The following BCAR3 variants were observed in gnomAD, a reference collection of about 807,000 sequenced individuals.
The protein encoded by BCAR3 is BCAR3 adaptor protein, NSP family member.
Under a neutral mutation model 80.1 loss-of-function variants are expected in BCAR3, and 37 were observed. The ratio of observed to expected loss-of-function variants is 0.46; its 90% confidence interval spans 0.36 to 0.61. The LOEUF (loss-of-function observed/expected upper bound fraction) is 0.61, where lower values mean the gene tolerates loss of function less well. Ranked by LOEUF, BCAR3 falls within the 20% of genes least tolerant of loss-of-function variation. BCAR3 has a pLI of 0.00. For missense variants in BCAR3, 978 were observed against 1,068.2 expected (o/e 0.92, Z 1.18); for synonymous variants, 389 against 418.9 (o/e 0.93, Z 0.87).
Position 93,569,376 on chromosome 1 carries a change from G to C in BCAR3, c.1975-1525C>G, listed in dbSNP as rs1673111533. Among the ~76,000 whole-genome samples, 3 of 152,294 alleles carry C rather than the reference G, an allele frequency of 2.0e-5. No individual in the cohort carries two copies. The South Asian group carries it at 6.2e-4, about 32-fold the overall frequency. On this transcript the variant is annotated intron_variant, in intron 9 of 11. Coordinates refer to ENST00000260502, the MANE Select transcript of BCAR3 (RefSeq NM_003567.4). ...CTGTATCCAAAAGGAAGGTGAGTAG[G>C]CTCAGCACCAGCAGACGTGCTGTGA...
intron 2 of BCAR3, among the ~76,000 whole-genome samples, chr1:93,770,993 A>G (rs1260624051): frequency 6.6e-6 from 1 of 152,168 alleles, no homozygotes; most frequent in Non-Finnish European, 1.5e-5. Context: ...CCACTGTACT[A>G]TACCTTTCAC....
At chr1:93,638,334 CT>C (rs1445627800) in intron 3 of BCAR3, among the ~76,000 whole-genome samples, 1 of 152,162 alleles carries the variant, frequency 6.6e-6, no homozygotes, top group Non-Finnish European at 1.5e-5. Context: ...GGACAGCTAT[CT>C]GGGAAGGGGA....
Position 93,809,773 on chromosome 1 carries a change from GATAAAAAAAA to G in BCAR3, c.-63+35784_-63+35793del, listed in dbSNP as rs1201587365. Among the ~76,000 whole-genome samples the G allele has an allele frequency of 8.0e-3, 375 of 46,996 alleles. 2 individuals are homozygous for G. Among genetic ancestry groups the G allele is most frequent in the African/African-American group, 0.028 (353 of 12,436 alleles). The allele number at this position is 46,996 out of a possible 152,430, so 30.8% of individuals were successfully genotyped here. A position where few individuals can be genotyped will look rare whatever the true frequency, so the allele number is the denominator to read the frequency against. On this transcript the variant is annotated intron_variant, in intron 2 of 13. Coordinates refer to the BCAR3 transcript ENST00000370244. ...ACAGAGCAAGACTTCGTCTCAAAAA[GATAAAAAAAA>G]AAAAAAAAAAAAATCATTGAAGACC... is the stretch of plus-strand genomic sequence containing the variant.
At chr1:93,739,801 G>A (rs1384443072) in intron 2 of BCAR3, among the ~76,000 whole-genome samples, 1 of 152,168 alleles carries the variant, frequency 6.6e-6, no homozygotes, top group African/African-American at 2.4e-5. Flanking sequence ...TTGGGAGCCT[G>A]AGGCGGGTGG....
At chr1:93,751,518 G>T (rs1321762214) in intron 2 of BCAR3, among the ~76,000 whole-genome samples, 1 of 152,144 alleles carries the variant, frequency 6.6e-6, no homozygotes, top group African/African-American at 2.4e-5. Flanking sequence ...CAGCAATCCT[G>T]CCATGCCTCG....
At chr1:93,815,882 G>T (rs955319583) in intron 2 of BCAR3, among the ~76,000 whole-genome samples, 1 of 152,124 alleles carries the variant, frequency 6.6e-6, no homozygotes, top group Non-Finnish European at 1.5e-5. Flanking sequence ...GAATGCTGCC[G>T]TGGTCAGGGC....
chr1:93,569,350 C>T (rs1181111882), intron 9 of BCAR3, among the ~76,000 whole-genome samples: 1 of 152,202 alleles, frequency 6.6e-6, no homozygotes, highest in East Asian at 1.9e-4. Context: ...TTGAAGAGCT[C>T]CTGTATCCAA....
At chr1:93,681,531 G>C (rs972857452) in intron 1 of BCAR3, 67 bp downstream of exon 1, 1 of 152,116 alleles carries the variant, frequency 6.6e-6, no homozygotes, top group South Asian at 2.1e-4. Context: ...TCACCGGGGT[G>C]GGGGAGGCCC....
chr1:93,596,227 G>A (rs1021870748), intron 3 of BCAR3, among the ~76,000 whole-genome samples: 7 of 151,996 alleles, frequency 4.6e-5, no homozygotes, highest in South Asian at 2.1e-4. Context: ...CATAATATTC[G>A]CATGCATTGT....
intron 8 of BCAR3, among the ~76,000 whole-genome samples, chr1:93,575,062 C>T (rs1052205511): frequency 3.3e-5 from 5 of 151,926 alleles, no homozygotes; most frequent in South Asian, 2.1e-4. Context: ...GGCTTTTTAC[C>T]GTGAAAACAG....
At chr1:93,774,319 G>A (rs1268317295) in intron 2 of BCAR3, among the ~76,000 whole-genome samples, 1 of 151,864 alleles carries the variant, frequency 6.6e-6, no homozygotes, top group Non-Finnish European at 1.5e-5. Context: ...CCTTGCCTCT[G>A]CTAAAAATAC....
rs138586718 is a variant in BCAR3, at chr1:93,757,826, G to A, written c.-62-51684C>T. ...TTGCCCATTATTTCTAAGTGCCATGGGTCAGGTTGTCTGGGAAACAGACTT... is the reference window on the plus strand; with the variant it reads ...TTGCCCATTATTTCTAAGTGCCATGAGTCAGGTTGTCTGGGAAACAGACTT... On this transcript the variant is annotated intron_variant, in intron 2 of 13. Transcript: ENST00000370244. Among the ~76,000 whole-genome samples, 456 of 152,276 alleles carry A rather than the reference G, an allele frequency of 3.0e-3. 1 individual carries two copies. The highest frequency in any genetic ancestry group is 0.011 in the African/African-American group (448 of 41,550).
At chr1:93,567,923 A>C in intron 9 of BCAR3, 72 bp from the exon 10 acceptor site, 37 of 1,299,984 alleles carry the variant, frequency 2.8e-5, no homozygotes, top group Non-Finnish European at 3.8e-5. Flanking sequence ...GTGGTAGCTC[A>C]CGCCTGTAAT....
chr1:93,659,985 G>C (rs763447301), intron 2 of BCAR3, among the ~76,000 whole-genome samples: 7 of 152,098 alleles, frequency 4.6e-5, no homozygotes, highest in Admixed American at 2.0e-4. Context: ...TAAGAACAGG[G>C]ACCACACTGT....
At chr1:93,727,047 T>A (rs939443933) in intron 2 of BCAR3, among the ~76,000 whole-genome samples, 2 of 152,190 alleles carry the variant, frequency 1.3e-5, no homozygotes, top group Non-Finnish European at 2.9e-5. Flanking sequence ...TAATTTTAAA[T>A]CTGTTTTCTG....
chr1:93,614,132 C>T, intron 3 of BCAR3: 1 of 1,362,056 alleles, frequency 7.3e-7, no homozygotes, highest in Non-Finnish European at 9.4e-7. Context: ...CAATACGATC[C>T]ACTCGCTCAA....
Position 93,562,261 on chromosome 1 carries a change from CAGG to C in BCAR3, c.2455_2457del (p.Pro819del), listed in dbSNP as rs755217618. The C allele has an allele frequency of 6.2e-7, 1 of 1,613,808 alleles. No individual in the cohort carries two copies. The highest frequency in any genetic ancestry group is 8.5e-7 in the Non-Finnish European group (1 of 1,179,890). On this transcript the variant is annotated inframe_deletion, in exon 12 of 12. Coordinates refer to ENST00000260502, the MANE Select transcript of BCAR3 (RefSeq NM_003567.4). ...AGTTATCAAAGCTCTGCCTGCTTTA[CAGG>C]AGGAGGTTCCAATTTACGCGAGAGG...
upstream of BCAR3, among the ~76,000 whole-genome samples, chr1:93,684,197 C>G (rs993787461): frequency 6.6e-6 from 1 of 152,174 alleles, no homozygotes; most frequent in Admixed American, 6.5e-5. Context: ...ATCCGAAATT[C>G]ATTTACTGAT....
At chr1:93,693,324 C>T (rs1020330155) in intron 3 of BCAR3, among the ~76,000 whole-genome samples, 2 of 152,198 alleles carry the variant, frequency 1.3e-5, no homozygotes, top group Admixed American at 6.5e-5. Flanking sequence ...TTTCATACAG[C>T]TGTGAGAGGC....
Sources: gnomAD v4.1 joint callset for allele counts (sites outside exome capture counted in the v4.1 genomes callset) on GRCh38, gnomAD v4.1.1 for gene constraint, MANE v1.5 for transcripts, NCBI Gene and HGNC (gene_info 2026-07-23, HGNC 2026-07-21) for gene names.